ANO8: variants seen among roughly 807,000 people sequenced by gnomAD.
The protein encoded by ANO8 is anoctamin-8.
ANO8 carries 67 observed loss-of-function variants against 120.4 expected under a neutral mutation model. That is an observed-to-expected ratio of 0.56 (90% CI 0.46 to 0.68). The LOEUF (loss-of-function observed/expected upper bound fraction) is 0.68, where lower values mean the gene tolerates loss of function less well. Ranked by LOEUF, ANO8 falls within the 30% of genes least tolerant of loss-of-function variation. The pLI is 0.00. For synonymous variants in ANO8, 727 were observed against 759.2 expected (o/e 0.96, Z 0.70); for missense variants, 1,526 against 1,737.6 (o/e 0.88, Z 2.16).
At position 17,333,897 on chromosome 19, in the gene ANO8, A is replaced by G. The variant is rs1186154188; in HGVS notation, c.107-97T>C. On this transcript the variant is annotated intron_variant, in intron 1 of 17. Coordinates refer to ENST00000159087, the MANE Select transcript of ANO8 (RefSeq NM_020959.3). The surrounding 1 kb of genome is among the most constrained non-coding windows in gnomAD (Gnocchi z 7.2). ...CCTGCCCCCGCCAGGGCTCCTCACC[A>G]CTCCACCTGGCATTCAAGGCCCCGG... 3.0e-6 allele frequency: 3 copies of G among 1,013,502 alleles called. No individual in the cohort carries two copies. Among genetic ancestry groups the G allele is most frequent in the African/African-American group, 3.3e-5 (2 of 61,452 alleles). 62.8% of individuals were successfully genotyped at this position (1,013,502 alleles called of 1,614,324 possible). A position where few individuals can be genotyped will look rare whatever the true frequency, so the allele number is the denominator to read the frequency against.
At chr19:17,329,258 G>A (rs996259824) in intron 12 of ANO8, 3 of 417,044 alleles carry the variant, frequency 7.2e-6, no homozygotes, top group Non-Finnish European at 1.3e-5. Flanking sequence ...GCACTGGGCC[G>A]CGTGCGCCCC....
Position 17,328,897 on chromosome 19 carries a change from G to C in ANO8, c.1491C>G (p.Arg497=), listed in dbSNP as rs909775404. Residue 497 remains arginine (R), a synonymous_variant, in exon 13 of 18, where the codon CGC becomes CGG. Transcript: ENST00000159087. The part of the protein sequence containing the change: ...LQPHLYRRLG[R]GELGLRAVWE... ...AGACGGCCCGCAGGCCCAGCTCGCC[G>C]CGGCCCAGGCGCCGGTACAGGTGCG... 1.3e-6 allele frequency: 2 copies of C among 1,503,146 alleles called. No individual in the cohort carries two copies. Among genetic ancestry groups the C allele is most frequent in the Non-Finnish European group, 1.8e-6 (2 of 1,129,662 alleles). The allele number at this position is 1,503,146 out of a possible 1,614,324, so 93.1% of individuals were successfully genotyped here. A position where few individuals can be genotyped will look rare whatever the true frequency, so the allele number is the denominator to read the frequency against.
chr19:17,331,651 G>GTTTT (rs369893061), intron 5 of ANO8, among the ~76,000 whole-genome samples: 1 of 143,388 alleles, frequency 7.0e-6, no homozygotes, highest in Non-Finnish European at 1.5e-5. Context: ...GAGGAACCAT[G>GTTTT]TTTTTTTTTT....
At position 17,325,456 on chromosome 19, in the gene ANO8, G is replaced by A. The variant is rs562742077; in HGVS notation, c.2662-70C>T. 2.3e-5 allele frequency: 35 copies of A among 1,498,910 alleles called. No homozygotes were observed. In the East Asian group the frequency reaches 8.0e-4, roughly 34 times the overall value. The allele number at this position is 1,498,910 out of a possible 1,614,324, so 92.9% of individuals were successfully genotyped here. A position where few individuals can be genotyped will look rare whatever the true frequency, so the allele number is the denominator to read the frequency against. ...TTAGCGGGTGCCAGCTGAGGCTGGT[G>A]CATGCCAGGGCTCTCTGCAAAAGTG... On this transcript the variant is annotated intron_variant, in intron 16 of 17. Coordinates refer to ENST00000159087, the MANE Select transcript of ANO8 (RefSeq NM_020959.3).
rs200466080 is a variant in ANO8, at chr19:17,324,866, C to T, written c.3182G>A (p.Arg1061Gln). 7.4e-6 allele frequency: 12 copies of T among 1,612,954 alleles called. No homozygotes were observed. Among genetic ancestry groups the T allele is most frequent in the East Asian group, 2.2e-5 (1 of 44,864 alleles). Reference sequence around the variant, plus strand: ...CGCCCCGTTGGACCCAGGCTCAGCCCGGGTGCCACCAAAGGGGAAGAGCTT... The same window carrying T: ...CGCCCCGTTGGACCCAGGCTCAGCCTGGGTGCCACCAAAGGGGAAGAGCTT... ...AGKLFPFGGT[R>Q]AEPGSNGAGG... Residue 1061 changes from arginine to glutamine, a missense_variant, in exon 17 of 18, where the codon CGG becomes CAG. Physicochemically the swap from Arg to Gln is conservative, Grantham distance 43. Coordinates refer to ENST00000159087, the MANE Select transcript of ANO8 (RefSeq NM_020959.3).
chr19:17,331,403 G>T lies in ANO8; in HGVS notation c.595C>A (p.Leu199Met). 6.2e-7 allele frequency: 1 copy of T among 1,613,560 alleles called. No homozygotes were observed. Among genetic ancestry groups the T allele is most frequent in the East Asian group, 2.2e-5 (1 of 44,878 alleles). Reference protein sequence around the residue: ...FLEDQPIIPELAARGIIQQVF... With the variant: ...FLEDQPIIPEMAARGIIQQVF... ...TGCTGGATGATCCCACGTGCTGCCA[G>T]CTCCGGGACTGTGGAGGGAGGAGCA... Residue 199 changes from leucine (L) to methionine (M), a missense_variant, in exon 6 of 18, where the codon CTG becomes ATG. Physicochemically the swap from Leu to Met is conservative, Grantham distance 15 (BLOSUM62 2). Transcript: ENST00000159087.
chr19:17,334,615 T>C lies in ANO8; in HGVS notation c.56A>G (p.Lys19Arg). 1 of 1,532,122 alleles carries C rather than the reference T, an allele frequency of 6.5e-7. No homozygotes were observed. 94.9% of individuals were successfully genotyped at this position (1,532,122 alleles called of 1,614,324 possible). ...GGTSLEGERG[K>R]RPPPEGEPAA... The stretch of plus-strand genomic sequence containing the variant: ...AGGCTCGCCCTCCGGCGGGGGCCTC[T>C]TGCCACGCTCGCCCTCCAGGGACGT... The change falls in exon 1 of 18, where the codon AAG becomes AGG. Residue 19 changes from lysine (K) to arginine (R), a missense_variant. Physicochemically the swap from Lys to Arg is conservative, Grantham distance 26. Coordinates refer to ENST00000159087, the MANE Select transcript of ANO8 (RefSeq NM_020959.3).
chr19:17,330,237 G>A lies in ANO8; in HGVS notation c.1161C>T (p.Ser387=), dbSNP rs201773203. The A allele has an allele frequency of 2.9e-5, 46 of 1,613,976 alleles. No homozygotes were observed. Among genetic ancestry groups the A allele is most frequent in the African/African-American group, 2.0e-4 (15 of 75,012 alleles). The part of the protein sequence containing the change: ...GCFQLQELVL[S]VKGLPRLARF... The stretch of plus-strand genomic sequence containing the variant: ...GGGCGAGACGGGGCAACCCCTTCAC[G>A]CTCAGCACCAGCTCCTGCGGGAGAA... The change falls in exon 10 of 18, where the codon AGC becomes AGT. Residue 387 remains serine (S), a synonymous_variant. Transcript: ENST00000159087.
chr19:17,328,510 C>A lies in ANO8; in HGVS notation c.1878G>T (p.Arg626=). 6.4e-7 allele frequency: 1 copy of A among 1,552,384 alleles called. No individual in the cohort carries two copies. Among genetic ancestry groups the A allele is most frequent in the Non-Finnish European group, 8.7e-7 (1 of 1,150,618 alleles). Reference sequence around the variant, plus strand: ...CCTCCGGGCTTGGGCCGGGCCGACGCCGCCCCGCGCCGCGCTCAGCGAAGC... The same window carrying A: ...CCTCCGGGCTTGGGCCGGGCCGACGACGCCCCGCGCCGCGCTCAGCGAAGC... ...KVSFAERGAG[R]RRPGPSPEAL... Residue 626 remains arginine (R), a synonymous_variant, in exon 13 of 18, where the codon CGG becomes CGT. Transcript: ENST00000159087.
At chr19:17,329,571 G>T (rs1056221540) in intron 12 of ANO8, 186 bp downstream of exon 12, 5 of 611,182 alleles carry the variant, frequency 8.2e-6, no homozygotes, top group Non-Finnish European at 1.4e-5. Context: ...CAGATGGACG[G>T]ACAGATGGGG....
At position 17,328,635 on chromosome 19, in the gene ANO8, C is replaced by G; in HGVS notation, c.1753G>C (p.Glu585Gln). ...DGPPGGKEEDEDDEEEEDEEE... is the reference protein window; with the variant it reads ...DGPPGGKEEDQDDEEEEDEEE... ...TCGTCCTCCTCCTCCTCGTCGTCCT[C>G]GTCCTCCTCCTTGCCCCCTGGAGGC... Residue 585 changes from glutamate (E) to glutamine (Q), a missense_variant, in exon 13 of 18, where the codon GAG (glutamate) becomes CAG (glutamine). Glu to Gln is a conservative substitution (Grantham distance 29). Coordinates refer to ENST00000159087, the MANE Select transcript of ANO8 (RefSeq NM_020959.3). 1 of 1,529,046 alleles carries G rather than the reference C, an allele frequency of 6.5e-7. No homozygotes were observed. Among genetic ancestry groups the G allele is most frequent in the Non-Finnish European group, 8.8e-7 (1 of 1,135,524 alleles). The allele number at this position is 1,529,046 out of a possible 1,614,324, so 94.7% of individuals were successfully genotyped here.
chr19:17,323,762 C>A lies in ANO8; in HGVS notation c.3454G>T (p.Asp1152Tyr). ...PTPPAGCWQW[D>Y]GPWGCGGEGA... ...TCGCCCCCGCAGCCCCAGGGCCCGT[C>A]CCACTGCCAGCAGCCTGCGGGCGGT... Residue 1152 changes from aspartate (D) to tyrosine (Y), a missense_variant, in exon 18 of 18, where the codon GAC (aspartate) becomes TAC (tyrosine). Physicochemically the swap from Asp to Tyr is radical, Grantham distance 160. Transcript: ENST00000159087. 4 of 1,192,000 alleles carry A rather than the reference C, an allele frequency of 3.4e-6. No individual in the cohort carries two copies. The highest frequency in any genetic ancestry group is 2.1e-6 in the Non-Finnish European group (2 of 962,110). 73.8% of individuals were successfully genotyped at this position (1,192,000 alleles called of 1,614,324 possible).
chr19:17,325,417 A>C (rs2074268266), intron 16 of ANO8, 31 bp from the exon 17 acceptor site: 3 of 1,547,916 alleles, frequency 1.9e-6, no homozygotes, highest in Middle Eastern at 1.7e-4. Context: ...TTACAGGACT[A>C]AGAAGAAAGG....
At position 17,328,609 on chromosome 19, in the gene ANO8, C is replaced by T; in HGVS notation, c.1779G>A (p.Glu593=). The change falls in exon 13 of 18, where the codon GAG becomes GAA. Residue 593 remains glutamate (E), a synonymous_variant. Transcript: ENST00000159087. The part of the protein sequence containing the change: ...EDEDDEEEED[E]EEEEDEEEGE... ...CCTCCTCCTCGTCCTCCTCTTCCTC[C>T]TCGTCCTCCTCCTCCTCGTCGTCCT... The T allele has an allele frequency of 1.3e-6, 2 of 1,542,150 alleles. No homozygotes were observed. The highest frequency in any genetic ancestry group is 1.2e-5 in the South Asian group (1 of 83,484).
In ANO8 at chr19:17,325,077, A is replaced by T; in HGVS notation, c.2971T>A (p.Ser991Thr). Residue 991 changes from serine to threonine, a missense_variant, in exon 17 of 18, where the codon TCA becomes ACA. Physicochemically the swap from Ser to Thr is moderately conservative, Grantham distance 58. Transcript: ENST00000159087. ...IIPLQGKFLS[S>T]GATSSLAAAG... ...GCAGCCAGTGAGGATGTGGCCCCTGACGAGAGGAATTTGCCCTGCAGTGGG... is the reference window on the plus strand; with the variant it reads ...GCAGCCAGTGAGGATGTGGCCCCTGTCGAGAGGAATTTGCCCTGCAGTGGG... 1.9e-6 allele frequency: 3 copies of T among 1,613,542 alleles called. No homozygotes were observed. Among genetic ancestry groups the T allele is most frequent in the Non-Finnish European group, 2.5e-6 (3 of 1,179,882 alleles).
chr19:17,331,988 G>A (rs2074322570), intron 5 of ANO8, among the ~76,000 whole-genome samples: 1 of 128,632 alleles, frequency 7.8e-6, no homozygotes, highest in Non-Finnish European at 1.6e-5. Context: ...AGGCTGGAGT[G>A]CAGTAGTGCG....
chr19:17,334,590 A>G lies in ANO8; in HGVS notation c.81T>C (p.Pro27=). 1.3e-6 allele frequency: 2 copies of G among 1,551,128 alleles called. No individual in the cohort carries two copies. Among genetic ancestry groups the G allele is most frequent in the South Asian group, 2.3e-5 (2 of 85,722 alleles). ...RGKRPPPEGE[P]AAPASGVLDK... Reference sequence around the variant, plus strand: ...CCAGAACTCCGGACGCCGGGGCTGCAGGCTCGCCCTCCGGCGGGGGCCTCT... The same window carrying G: ...CCAGAACTCCGGACGCCGGGGCTGCGGGCTCGCCCTCCGGCGGGGGCCTCT... The change falls in exon 1 of 18, where the codon CCT becomes CCC. Residue 27 remains proline, a synonymous_variant. Coordinates refer to ENST00000159087, the MANE Select transcript of ANO8 (RefSeq NM_020959.3).
Position 17,327,493 on chromosome 19 carries a change from C to T in ANO8, c.2495G>A (p.Arg832His), listed in dbSNP as rs755079048. 2.5e-6 allele frequency: 4 copies of T among 1,613,248 alleles called. No homozygotes were observed. Among genetic ancestry groups the T allele is most frequent in the Admixed American group, 1.7e-5 (1 of 60,010 alleles). ...YLIGQCGQLQRLFPWLSPEAA... is the reference protein window; with the variant it reads ...YLIGQCGQLQHLFPWLSPEAA... The stretch of plus-strand genomic sequence containing the variant: ...CTCCGGGCTCAGCCAGGGGAAGAGG[C>T]GCTGCAGCTGCCCGCACTGGCCGAT... The change falls in exon 15 of 18, where the codon CGC becomes CAC. Residue 832 changes from arginine (R) to histidine (H), a missense_variant. Coordinates refer to ENST00000159087, the MANE Select transcript of ANO8 (RefSeq NM_020959.3).
Position 17,327,347 on chromosome 19 carries a change from TGCAGGG to T in ANO8, c.2551-8_2551-3del. 2.6e-6 allele frequency: 4 copies of T among 1,549,874 alleles called. No individual in the cohort carries two copies. The highest frequency in any genetic ancestry group is 3.5e-6 in the Non-Finnish European group (4 of 1,145,878). On this transcript the variant is annotated splice_region_variant and splice_polypyrimidine_tract_variant and intron_variant, in intron 15 of 17. Coordinates refer to ENST00000159087, the MANE Select transcript of ANO8 (RefSeq NM_020959.3). ...GTACTTGAGGAGCAGAGCGAAGTGC[TGCAGGG>T]GTGGCAGAGAGGAGGCTGCAGGCTG...
Sources: allele counts gnomAD v4.1 joint callset (sites outside exome capture counted in the v4.1 genomes callset), GRCh38; gene constraint gnomAD v4.1.1; non-coding constraint Gnocchi (gnomAD v3.1); transcripts MANE v1.5; gene names NCBI Gene and HGNC (gene_info 2026-07-23, HGNC 2026-07-21).